COL4A5: variants seen among roughly 807,000 people sequenced by gnomAD.
The protein encoded by COL4A5 is collagen type IV alpha 5 chain.
Under a neutral mutation model 130.2 loss-of-function variants are expected in COL4A5, and 26 were observed. The observed-to-expected ratio is 0.20, with a 90% CI of 0.15 to 0.28. COL4A5 has a LOEUF of 0.28. Ranked by LOEUF, COL4A5 falls within the 10% of genes least tolerant of loss-of-function variation. The pLI is 1.00. For missense variants in COL4A5, 1,131 were observed against 1,344.3 expected, an observed-to-expected ratio of 0.84 and a Z score of 2.48; for synonymous variants, 496 against 439.6, an observed-to-expected ratio of 1.13 and a Z score of -1.60.
At chrX:108,534,449 A>T (rs2065428931) in intron 1 of COL4A5, among the ~76,000 whole-genome samples, 1 of 111,431 alleles carries the variant, frequency 9.0e-6, no homozygotes, top group African/African-American at 3.3e-5. Context: ...CATGGATGGA[A>T]CTCGATGTCA....
At chrX:108,513,505 C>T (rs2065196751) in intron 1 of COL4A5, among the ~76,000 whole-genome samples, 1 of 111,695 alleles carries the variant, frequency 9.0e-6, no homozygotes, top group South Asian at 3.8e-4. Context: ...GAGCCCTTTT[C>T]ATGTGCTTAT....
chrX:108,689,658 T>C (rs895911006), intron 49 of COL4A5: 2 of 754,253 alleles, frequency 2.7e-6, no homozygotes, highest in Non-Finnish European at 3.1e-6. Context: ...TAAGCAAAGA[T>C]ACAGGCAGCT....
intron 21 of COL4A5, among the ~76,000 whole-genome samples, chrX:108,592,763 A>ATG (rs752586303): frequency 7.3e-4 from 75 of 102,509 alleles, no homozygotes; most frequent in African/African-American, 1.7e-3. Context: ...GTGTACATAT[A>ATG]TGTGTGTGTG....
intron 50 of COL4A5, chrX:108,694,464 G>C (rs2068694655): frequency 8.2e-6 from 2 of 244,455 alleles, no homozygotes; most frequent in Non-Finnish European, 1.5e-5. Context: ...CTCCAATTGA[G>C]TACTTTGACA....
chrX:108,442,805 T>C (rs150335927), intron 1 of COL4A5: 7 of 111,632 alleles, frequency 6.3e-5, no homozygotes. Flanking sequence ...TGCCAGGCAC[T>C]GTGCTAATAT....
At chrX:108,556,024 G>A (rs2065818915) in intron 2 of COL4A5, among the ~76,000 whole-genome samples, 2 of 111,943 alleles carry the variant, frequency 1.8e-5, no homozygotes, top group Non-Finnish European at 3.8e-5. Flanking sequence ...AGATATAATT[G>A]ATTAATGAAG....
intron 1 of COL4A5, among the ~76,000 whole-genome samples, chrX:108,516,577 C>T (rs1003120053): frequency 1.8e-5 from 2 of 111,433 alleles, no homozygotes; most frequent in African/African-American, 6.5e-5. Flanking sequence ...GTCAATAGGC[C>T]ATCAATAAAG....
chrX:108,565,366 A>G (rs2065952053), intron 4 of COL4A5, among the ~76,000 whole-genome samples: 1 of 112,080 alleles, frequency 8.9e-6, no homozygotes, highest in African/African-American at 3.2e-5. Flanking sequence ...AAAAATGAAC[A>G]ACATTTTGAT....
In COL4A5 at chrX:108,586,654, A is replaced by G. The variant is rs761890758; in HGVS notation, c.1072A>G (p.Lys358Glu). Residue 358 changes from lysine to glutamate, a missense_variant, in exon 19 of 53, where the codon AAA (lysine) becomes GAA (glutamate). By Grantham distance (56) the Lys-to-Glu change is moderately conservative. Transcript: ENST00000328300. Reference protein sequence around the residue: ...RPGTGITIGEKGNIGLPGLPG... With the variant: ...RPGTGITIGEEGNIGLPGLPG... ...TGGGACTGGTATAACTATAGGAGAAAAAGGAAACATTGGGTTGCCTGGGTT... is the reference window on the plus strand; with the variant it reads ...TGGGACTGGTATAACTATAGGAGAAGAAGGAAACATTGGGTTGCCTGGGTT... The G allele has an allele frequency of 7.5e-6, 9 of 1,205,957 alleles. No individual in the cohort carries two copies. Among genetic ancestry groups the G allele is most frequent in the Non-Finnish European group, 7.8e-6 (7 of 892,254 alleles).
rs112145659 is a variant in COL4A5 at position 108,655,493 on chromosome X, T to C, written c.3373+36T>C. ...TTCTCTTAAATGCTTCCTTCTTTCC[T>C]TCCTTATCTACTCCAACCAGTATCA... On this transcript the variant is annotated intron_variant, in intron 37 of 52. Transcript: ENST00000328300. 443 of 1,200,880 alleles carry C rather than the reference T, an allele frequency of 3.7e-4. 2 individuals carry two copies. The African/African-American group carries it at 6.8e-3, about 18-fold the overall frequency.
At chrX:108,570,312 GTTAT>G (rs1251478700) in intron 6 of COL4A5, among the ~76,000 whole-genome samples, 1 of 111,546 alleles carries the variant, frequency 9.0e-6, no homozygotes, top group East Asian at 2.8e-4. Context: ...GCCTCTTCTG[GTTAT>G]TTGTTTATTT....
At chrX:108,460,272 C>T (rs2064629760) in intron 1 of COL4A5, among the ~76,000 whole-genome samples, 1 of 111,418 alleles carries the variant, frequency 9.0e-6, no homozygotes, top group African/African-American at 3.3e-5. Context: ...GGCCAATTCC[C>T]GTTACATTTT....
At chrX:108,684,501 A>G (rs2068503320) in intron 47 of COL4A5, among the ~76,000 whole-genome samples, 1 of 112,512 alleles carries the variant, frequency 8.9e-6, no homozygotes. Flanking sequence ...TAGAAAATCT[A>G]GAAGAAATGG....
intron 25 of COL4A5, among the ~76,000 whole-genome samples, chrX:108,599,376 A>C (rs2066585902): frequency 9.0e-6 from 1 of 111,080 alleles, no homozygotes; most frequent in African/African-American, 3.3e-5. Context: ...TCATAGGGTA[A>C]GTGTTTTTTA....
intron 1 of COL4A5, among the ~76,000 whole-genome samples, chrX:108,444,512 C>T (rs1468905430): frequency 8.9e-6 from 1 of 111,957 alleles, no homozygotes; most frequent in South Asian, 3.7e-4. Flanking sequence ...AGCCACCGCA[C>T]CTGGCCTCCA....
intron 4 of COL4A5, among the ~76,000 whole-genome samples, chrX:108,566,710 G>A (rs1286233467): frequency 9.1e-6 from 1 of 110,152 alleles, no homozygotes; most frequent in Non-Finnish European, 1.9e-5. Context: ...CACAACGCCC[G>A]GCTAATTTTT....
chrX:108,617,150 CTCACTT>C (rs1358174364), intron 30 of COL4A5, among the ~76,000 whole-genome samples: 1 of 110,781 alleles, frequency 9.0e-6, no homozygotes, highest in Non-Finnish European at 1.9e-5. Context: ...GGCACAGATA[CTCACTT>C]TCTAAGTAAA....
intron 49 of COL4A5, among the ~76,000 whole-genome samples, 181 bp from the exon 50 acceptor site, chrX:108,692,567 A>ACACATCC (rs2068653588): frequency 1.8e-5 from 2 of 112,201 alleles, no homozygotes; most frequent in African/African-American, 6.5e-5. Context: ...ACTTTATTAA[A>ACACATCC]CACATCCTAA....
At chrX:108,498,367 C>T (rs1251430350) in intron 1 of COL4A5, among the ~76,000 whole-genome samples, 1 of 111,222 alleles carries the variant, frequency 9.0e-6, no homozygotes, top group East Asian at 2.8e-4. Flanking sequence ...TTCATTAATA[C>T]CACACTGTCT....
Sources: gnomAD v4.1 joint callset for allele counts (sites outside exome capture counted in the v4.1 genomes callset) on GRCh38, gnomAD v4.1.1 for gene constraint, MANE v1.5 for transcripts, NCBI Gene and HGNC (gene_info 2026-07-23, HGNC 2026-07-21) for gene names.